RBSN: variants seen among roughly 807,000 people sequenced by gnomAD.
RBSN encodes rabenosyn-5.
In RBSN, 34 loss-of-function variants were observed where a neutral mutation model predicts 60.5. That is an observed-to-expected ratio of 0.56 (90% CI 0.43 to 0.75). The LOEUF is 0.75. RBSN is among the 30% of genes least tolerant of loss of function. The pLI is 0.00. For missense variants in RBSN, 845 were observed against 986.8 expected (o/e 0.86, Z 1.92); for synonymous variants, 322 against 366.9 (o/e 0.88, Z 1.40).
chr3:15,095,754 G>C, intron 4 of RBSN: 1 of 609,846 alleles, frequency 1.6e-6, no homozygotes, highest in Non-Finnish European at 2.8e-6. Context: ...CTCTGTGTCT[G>C]GTTCGAAATG....
chr3:15,074,333 C>T lies in RBSN; in HGVS notation c.1804G>A (p.Gly602Arg). ...CGCTCCTGGCCAACGGCTGGGGGCC[C>T]AGACCACACTCTGGTGGGTTGAGTT... Reference protein sequence around the residue: ...SSTQPTRVWSGPPAVGQERLP... With the variant: ...SSTQPTRVWSRPPAVGQERLP... Residue 602 changes from glycine (G) to arginine (R), a missense_variant, in exon 14 of 14, where the codon GGG (glycine) becomes AGG (arginine). Physicochemically the swap from Gly to Arg is moderately radical, Grantham distance 125. Coordinates refer to ENST00000253699, the MANE Select transcript of RBSN (RefSeq NM_022340.4). The surrounding 1 kb of genome is among the most constrained non-coding windows in gnomAD (Gnocchi z 6.4). The T allele has an allele frequency of 1.2e-6, 2 of 1,614,070 alleles. No individual in the cohort carries two copies. The highest frequency in any genetic ancestry group is 8.5e-7 in the Non-Finnish European group (1 of 1,180,028).
At position 15,082,601 on chromosome 3, in the gene RBSN, G is replaced by A. The variant is rs757655544; in HGVS notation, c.606C>T (p.Leu202=). The A allele has an allele frequency of 5.6e-6, 9 of 1,613,958 alleles. No homozygotes were observed. The highest frequency in any genetic ancestry group is 7.6e-6 in the Non-Finnish European group (9 of 1,179,918). Reference sequence around the variant, plus strand: ...TCAGGGACTCCTTGCTGGCACTGGTGAGCTTGTCTGTAACCACAACACCAA... The same window carrying A: ...TCAGGGACTCCTTGCTGGCACTGGTAAGCTTGTCTGTAACCACAACACCAA... ...ELISLPLANK[L]TSASKESLST... Residue 202 remains leucine, a synonymous_variant, in exon 9 of 14, where the codon CTC becomes CTT. Coordinates refer to ENST00000253699, the MANE Select transcript of RBSN (RefSeq NM_022340.4). This position sits in a 1 kb window ranked among gnomAD's most constrained non-coding sequence, Gnocchi z 4.2.
At chr3:15,079,943 T>G (rs574499023) in intron 10 of RBSN, among the ~76,000 whole-genome samples, 1 of 152,104 alleles carries the variant, frequency 6.6e-6, no homozygotes, top group Non-Finnish European at 1.5e-5. Flanking sequence ...CATCTCAATT[T>G]TAAAAAAGAA....
chr3:15,082,553 C>G lies in RBSN; in HGVS notation c.654G>C (p.Gln218His). Reference sequence around the variant, plus strand: ...GGGAGCCATGGACACTGTTGGGTGACTGGCTGGGGCTGGTGTGGGTGCTCA... The same window carrying G: ...GGGAGCCATGGACACTGTTGGGTGAGTGGCTGGGGCTGGTGTGGGTGCTCA... ...ESLSTHTSPS[Q>H]SPNSVHGSRR... The change falls in exon 9 of 14, where the codon CAG becomes CAC. Residue 218 changes from glutamine to histidine, a missense_variant. Coordinates refer to ENST00000253699, the MANE Select transcript of RBSN (RefSeq NM_022340.4). The surrounding 1 kb of genome is among the most constrained non-coding windows in gnomAD (Gnocchi z 4.2). 6.2e-7 allele frequency: 1 copy of G among 1,614,182 alleles called. No homozygotes were observed. The highest frequency in any genetic ancestry group is 1.7e-5 in the Admixed American group (1 of 60,028).
chr3:15,095,970 T>G lies in RBSN; in HGVS notation c.148+3A>C. 6.2e-7 allele frequency: 1 copy of G among 1,614,234 alleles called. No individual in the cohort carries two copies. Among genetic ancestry groups the G allele is most frequent in the Non-Finnish European group, 8.5e-7 (1 of 1,180,038 alleles). ...GGGGATAGGCAAGGTCCTCGCCTCT[T>G]ACTTTTAATTTGCCCTTTGACATCA... On this transcript the variant is annotated splice_donor_region_variant and intron_variant, in intron 4 of 13. Coordinates refer to ENST00000253699, the MANE Select transcript of RBSN (RefSeq NM_022340.4).
In RBSN at chr3:15,078,114, A is replaced by C. The variant is rs1490102217; in HGVS notation, c.959T>G (p.Val320Gly). ...CAGCTCATACACTTTCTGCACTTCC[A>C]CTCGAAGGTCACTGGCATGTTCCAG... ...YSLEHASDLR[V>G]EVQKVYELID... The change falls in exon 11 of 14, where the codon GTG (valine) becomes GGG (glycine). Residue 320 changes from valine (V) to glycine (G), a missense_variant. By Grantham distance (109) the Val-to-Gly change is moderately radical. Transcript: ENST00000253699. The C allele has an allele frequency of 6.2e-7, 1 of 1,613,986 alleles. No homozygotes were observed.
Position 15,074,466 on chromosome 3 carries a change from A to G in RBSN, c.1671T>C (p.Phe557=). Residue 557 remains phenylalanine, a synonymous_variant, in exon 14 of 14, where the codon TTT becomes TTC. Transcript: ENST00000253699. The surrounding 1 kb of genome is among the most constrained non-coding windows in gnomAD (Gnocchi z 6.4). The stretch of plus-strand genomic sequence containing the variant: ...GAGGCTCTCTGCTGGGCTCCAGCTG[A>G]AAAGGGCCGATTTCTCTGAAGTCCA... The part of the protein sequence containing the change: ...RSLDFREIGP[F]QLEPSREPRT... 1.2e-6 allele frequency: 2 copies of G among 1,614,196 alleles called. No individual in the cohort carries two copies. The highest frequency in any genetic ancestry group is 1.7e-6 in the Non-Finnish European group (2 of 1,180,030).
chr3:15,091,907 C>T (rs767225990), intron 4 of RBSN, among the ~76,000 whole-genome samples: 4 of 152,234 alleles, frequency 2.6e-5, no homozygotes, highest in African/African-American at 2.4e-5. Flanking sequence ...AGTTCTAAGA[C>T]GCTCTCTCAT....
At chr3:15,089,569 T>TACACCATTTAA (rs2043451111) in intron 5 of RBSN, among the ~76,000 whole-genome samples, 1 of 149,314 alleles carries the variant, frequency 6.7e-6, no homozygotes, top group African/African-American at 2.5e-5. Flanking sequence ...TTCACATACA[T>TACACCATTTAA]ACACCATTTA....
chr3:15,082,645 A>G lies in RBSN; in HGVS notation c.599-37T>C, dbSNP rs758898303. On this transcript the variant is annotated intron_variant, in intron 8 of 13. Transcript: ENST00000253699. This position sits in a 1 kb window ranked among gnomAD's most constrained non-coding sequence, Gnocchi z 4.2. Reference sequence around the variant, plus strand: ...ACACCAACAGGCAGCAATGACCCCCACAGCATCCAATTACCATACCCACGA... The same window carrying G: ...ACACCAACAGGCAGCAATGACCCCCGCAGCATCCAATTACCATACCCACGA... The G allele has an allele frequency of 9.2e-5, 147 of 1,605,424 alleles. No individual in the cohort carries two copies. Among genetic ancestry groups the G allele is most frequent in the Non-Finnish European group, 1.2e-4 (141 of 1,174,670 alleles).
At chr3:15,081,597 G>C (rs2043205876) in intron 9 of RBSN, 1 of 152,334 alleles carries the variant, frequency 6.6e-6, no homozygotes, top group Non-Finnish European at 1.5e-5. Flanking sequence ...TCCAGAAACA[G>C]TGCCATTATG....
In RBSN at chr3:15,084,267, T is replaced by C. The variant is rs574126128; in HGVS notation, c.598+468A>G. ...CTGAGTAGCTAGGACTACAGGCACA[T>C]GCCACCACGCCAGGCTAATTTTTGT... On this transcript the variant is annotated intron_variant, in intron 8 of 13. Transcript: ENST00000253699. This position sits in a 1 kb window ranked among gnomAD's most constrained non-coding sequence, Gnocchi z 4.2. Among the ~76,000 whole-genome samples, 1 of 152,150 alleles carries C rather than the reference T, an allele frequency of 6.6e-6. No individual in the cohort carries two copies. The highest frequency in any genetic ancestry group is 1.5e-5 in the Non-Finnish European group (1 of 68,018).
intron 5 of RBSN, chr3:15,086,222 CACTGT>C: frequency 3.0e-6 from 1 of 336,856 alleles, no homozygotes. Context: ...ATGATCCCAC[CACTGT>C]ACTCCAGCCT....
At chr3:15,092,944 C>T (rs528940508) in intron 4 of RBSN, among the ~76,000 whole-genome samples, 4 of 152,250 alleles carry the variant, frequency 2.6e-5, no homozygotes, top group African/African-American at 9.6e-5. Flanking sequence ...TAAAAATAAT[C>T]CCATATATTT....
chr3:15,095,839 C>T (rs1309080808), intron 4 of RBSN, 134 bp downstream of exon 4: 1 of 1,170,898 alleles, frequency 8.5e-7, no homozygotes. Context: ...ACGCCTGGCA[C>T]ATGACAAACA....
At chr3:15,090,338 T>C in intron 5 of RBSN, 61 bp downstream of exon 5, 1 of 1,579,930 alleles carries the variant, frequency 6.3e-7, no homozygotes, top group East Asian at 2.2e-5. Flanking sequence ...CTTAAAACTT[T>C]ACCTAGAACA....
At chr3:15,078,293 G>C (rs1260351269) in intron 10 of RBSN, 132 bp from the exon 11 acceptor site, 2 of 690,598 alleles carry the variant, frequency 2.9e-6, no homozygotes, top group African/African-American at 3.6e-5. Flanking sequence ...CAGACTTTCA[G>C]ATATAATGCA....
chr3:15,085,754 C>T (rs1575099055), intron 6 of RBSN, 107 bp downstream of exon 6: 3 of 892,690 alleles, frequency 3.4e-6, no homozygotes, highest in Non-Finnish European at 5.4e-6. Flanking sequence ...TTCTCTGCCA[C>T]CATCAGATGT....
At position 15,078,126 on chromosome 3, in the gene RBSN, C is replaced by T; in HGVS notation, c.947G>A (p.Ser316Asn). The T allele has an allele frequency of 1.2e-6, 2 of 1,614,174 alleles. No individual in the cohort carries two copies. Among genetic ancestry groups the T allele is most frequent in the Non-Finnish European group, 1.7e-6 (2 of 1,180,014 alleles). Residue 316 changes from serine to asparagine, a missense_variant, in exon 11 of 14, where the codon AGT becomes AAT. Transcript: ENST00000253699. Reference sequence around the variant, plus strand: ...TTTCTGCACTTCCACTCGAAGGTCACTGGCATGTTCCAGACTGTAGGTTGT... The same window carrying T: ...TTTCTGCACTTCCACTCGAAGGTCATTGGCATGTTCCAGACTGTAGGTTGT... ...GETTYSLEHA[S>N]DLRVEVQKVY...
Sources: allele counts gnomAD v4.1 joint callset (sites outside exome capture counted in the v4.1 genomes callset), GRCh38; gene constraint gnomAD v4.1.1; non-coding constraint Gnocchi (gnomAD v3.1); transcripts MANE v1.5; gene names NCBI Gene and HGNC (gene_info 2026-07-23, HGNC 2026-07-21).